F8: variants seen among roughly 807,000 people sequenced by gnomAD.
F8 encodes the protein coagulation factor VIII, also known as antihemophilic factor.
Under a neutral mutation model 140.6 loss-of-function variants are expected in F8, and 12 were observed. The ratio of observed to expected loss-of-function variants is 0.09; its 90% CI spans 0.05 to 0.14. F8 has a LOEUF of 0.14. F8 is among the 10% of genes least tolerant of loss of function. The pLI is 1.00. For missense variants in F8, 1,354 were observed against 1,720.7 expected (o/e 0.79, Z 3.77); for synonymous variants, 585 against 614.6 (o/e 0.95, Z 0.71).
At chrX:154,982,445 C>CAAA (rs782689011) in intron 6 of F8, among the ~76,000 whole-genome samples, 2 of 59,530 alleles carry the variant, frequency 3.4e-5, no homozygotes, top group Non-Finnish European at 6.3e-5. Context: ...GACTCCGTCT[C>CAAA]AAAAAAAAAA....
At chrX:154,939,821 C>A in intron 13 of F8, among the ~76,000 whole-genome samples, 1 of 111,979 alleles carries the variant, frequency 8.9e-6, no homozygotes, top group South Asian at 3.7e-4. Flanking sequence ...ACAAAACTTC[C>A]AGAGGAATGA....
At chrX:155,017,904 C>T (rs1248455545) in intron 1 of F8, among the ~76,000 whole-genome samples, 2 of 111,161 alleles carry the variant, frequency 1.8e-5, no homozygotes, top group East Asian at 5.6e-4. Flanking sequence ...AATGGAGTCT[C>T]ACTCTGTCAC....
Position 154,928,791 on chromosome X carries a change from G to A in F8, c.4999C>T (p.Arg1667Trp), listed in dbSNP as rs782562155. ...QNPPVLKRHQ[R>W]EITRTTLQSD... ...TGAAGAGTAGTACGAGTTATTTCCCGTTGATGGCGTTTCAAGACTGGTGGG... is the reference window on the plus strand; with the variant it reads ...TGAAGAGTAGTACGAGTTATTTCCCATTGATGGCGTTTCAAGACTGGTGGG... The change falls in exon 14 of 26, where the codon CGG becomes TGG. Residue 1667 changes from arginine (R) to tryptophan (W), a missense_variant. Around this residue, in one of 4 missense-constraint regions of F8, gnomAD observed 658 missense variants for 666.5 expected, o/e 0.99. Transcript: ENST00000360256. The A allele has an allele frequency of 9.1e-6, 11 of 1,211,293 alleles. No homozygotes were observed. Among genetic ancestry groups the A allele is most frequent in the South Asian group, 5.3e-5 (3 of 56,929 alleles).
rs1417905829 is a variant in F8 at position 154,976,417 on chromosome X, A to AT, written c.788-6866dup. On this transcript the variant is annotated intron_variant, in intron 6 of 25. Transcript: ENST00000360256. ...TCAGCCACCCTATGTCTTTTTTTAA[A>AT]TTTTTTTATTTTTATTTTTATTATA... 2.5e-3 allele frequency among the ~76,000 whole-genome samples: 274 copies of AT among 110,263 alleles called. 1 individual carries two copies. The highest frequency in any genetic ancestry group is 8.8e-3 in the African/African-American group (266 of 30,333).
At chrX:154,994,502 T>C (rs1473804370) in intron 3 of F8, among the ~76,000 whole-genome samples, 2 of 112,630 alleles carry the variant, frequency 1.8e-5, no homozygotes, top group Non-Finnish European at 3.8e-5. Context: ...CCATAGTCTC[T>C]TTTAGTATGG....
intron 6 of F8, among the ~76,000 whole-genome samples, chrX:154,971,829 T>C (rs1364727962): frequency 8.9e-6 from 1 of 112,441 alleles, no homozygotes; most frequent in Non-Finnish European, 1.9e-5. Flanking sequence ...TCCAGGCTCA[T>C]CCACGTTGTT....
chrX:154,963,749 G>A (rs1477649254), intron 9 of F8, among the ~76,000 whole-genome samples: 1 of 111,591 alleles, frequency 9.0e-6, no homozygotes, highest in Non-Finnish European at 1.9e-5. Context: ...TTAAGTGTAG[G>A]ATTCAGCATG....
At chrX:154,896,544 C>G (rs1569559476) in intron 21 of F8, among the ~76,000 whole-genome samples, 2 of 110,705 alleles carry the variant, frequency 1.8e-5, no homozygotes, top group Admixed American at 9.6e-5. Flanking sequence ...CACATACACA[C>G]AAACACACAC....
At chrX:154,970,886 C>T (rs2073453420) in intron 6 of F8, among the ~76,000 whole-genome samples, 1 of 111,766 alleles carries the variant, frequency 8.9e-6, no homozygotes, top group South Asian at 3.7e-4. Flanking sequence ...TATTTGACTA[C>T]AATCTGTCCC....
Position 154,906,446 on chromosome X carries a change from T to C in F8, c.5347A>G (p.Arg1783Gly). The change falls in exon 15 of 26, where the codon AGA becomes GGA. Residue 1783 changes from arginine (R) to glycine (G), a missense_variant. Coordinates refer to ENST00000360256, the MANE Select transcript of F8 (RefSeq NM_000132.4). Reference sequence around the variant, plus strand: ...ATGATATTATCTTCAACTTCTGCTCTTATATATGGCCCCAGGAGTCCCAAA... The same window carrying C: ...ATGATATTATCTTCAACTTCTGCTCCTATATATGGCCCCAGGAGTCCCAAA... ...EHLGLLGPYI[R>G]AEVEDNIMVT... The C allele has an allele frequency of 8.3e-7, 1 of 1,210,476 alleles. No individual in the cohort carries two copies. Among genetic ancestry groups the C allele is most frequent in the Non-Finnish European group, 1.1e-6 (1 of 894,428 alleles).
intron 14 of F8, among the ~76,000 whole-genome samples, chrX:154,925,681 GC>G (rs1299587773): frequency 8.9e-6 from 1 of 112,568 alleles, no homozygotes; most frequent in Non-Finnish European, 1.9e-5. Flanking sequence ...CTTTGTTTTG[GC>G]CAATTTCTCC....
chrX:154,980,659 C>T (rs1307990181), intron 6 of F8, among the ~76,000 whole-genome samples: 1 of 111,787 alleles, frequency 8.9e-6, no homozygotes, highest in Non-Finnish European at 1.9e-5. Flanking sequence ...TCAGTGAGCT[C>T]GTTTAGAAAT....
intron 3 of F8, among the ~76,000 whole-genome samples, chrX:154,993,774 TG>T (rs1266545175): frequency 1.8e-5 from 2 of 112,467 alleles, no homozygotes; most frequent in Non-Finnish European, 3.8e-5. Flanking sequence ...ACAGACTCTT[TG>T]GTAGGCACTA....
chrX:154,962,716 A>G, intron 9 of F8, among the ~76,000 whole-genome samples: 1 of 111,259 alleles, frequency 9.0e-6, no homozygotes, highest in East Asian at 2.8e-4. Context: ...AAATAAAAAA[A>G]TTAGCTAGGC....
intron 25 of F8, among the ~76,000 whole-genome samples, chrX:154,845,546 T>C (rs1432764331): frequency 9.0e-6 from 1 of 111,241 alleles, no homozygotes. Flanking sequence ...CAGGAATTTA[T>C]CCATTTCTTC....
Position 154,966,068 on chromosome X carries a change from C to T in F8, c.1345G>A (p.Ala449Thr). Residue 449 changes from alanine to threonine, a missense_variant, in exon 9 of 26, where the codon GCA becomes ACA. This residue lies in a region of F8 where 252 missense variants were observed against 338.5 expected (regional missense o/e 0.74). Transcript: ENST00000360256. ...GRKYKKVRFMAYTDETFKTRE... is the reference protein window; with the variant it reads ...GRKYKKVRFMTYTDETFKTRE... ...GTCTTAAAGGTTTCATCTGTGTATG[C>T]CATAAATCGGACTTTTTTGTACTTC... The T allele has an allele frequency of 8.3e-7, 1 of 1,209,993 alleles. No individual in the cohort carries two copies. Among genetic ancestry groups the T allele is most frequent in the Non-Finnish European group, 1.1e-6 (1 of 894,087 alleles).
intron 23 of F8, 102 bp downstream of exon 23, chrX:154,862,981 C>T: frequency 2.1e-6 from 2 of 954,735 alleles, no homozygotes; most frequent in Non-Finnish European, 3.0e-6. Flanking sequence ...AATTTTGTGT[C>T]CTGATACCGG....
At chrX:154,879,399 T>TA (rs1249225778) in intron 22 of F8, among the ~76,000 whole-genome samples, 1 of 112,288 alleles carries the variant, frequency 8.9e-6, no homozygotes, top group Non-Finnish European at 1.9e-5. Flanking sequence ...TGGTTGGACT[T>TA]ACAATATTTT....
intron 14 of F8, among the ~76,000 whole-genome samples, chrX:154,917,707 C>T (rs2073105254): frequency 9.0e-6 from 1 of 111,330 alleles, no homozygotes; most frequent in South Asian, 3.7e-4. Flanking sequence ...TGATCAGTTC[C>T]GCTGTTTAGA....
Sources: gnomAD v4.1 joint callset for allele counts (sites outside exome capture counted in the v4.1 genomes callset) on GRCh38, gnomAD v4.1.1 for gene constraint, gnomAD v4.1.1 regional missense constraint, MANE v1.5 for transcripts, NCBI Gene and HGNC (gene_info 2026-07-23, HGNC 2026-07-21) for gene names.